Variants in MAF observed in about 807,000 individuals in gnomAD.
MAF encodes the protein MAF bZIP transcription factor.
A neutral mutation model predicts 22.0 loss-of-function variants in MAF; 10 were observed. The observed-to-expected ratio is 0.45, with a 90% CI of 0.28 to 0.77. The LOEUF (loss-of-function observed/expected upper bound fraction) is 0.77. Ranked by LOEUF, MAF falls within the 30% of genes least tolerant of loss-of-function variation. The pLI is 0.12. For missense variants in MAF, 544 were observed against 548.4 expected, an observed-to-expected ratio of 0.99 and a Z score of 0.08; for synonymous variants, 337 against 255.8, an observed-to-expected ratio of 1.32 and a Z score of -3.03.
the MAF span, among the ~76,000 whole-genome samples, chr16:79,429,641 C>T: frequency 7.2e-4 from 110 of 152,258 alleles, no homozygotes; most frequent in African/African-American, 2.4e-3. Context: ...CCTGGTTTCT[C>T]GGGCTCCTCT....
the MAF span, among the ~76,000 whole-genome samples, chr16:79,292,439 A>G: frequency 6.6e-6 from 1 of 152,234 alleles, no homozygotes; most frequent in Non-Finnish European, 1.5e-5. Flanking sequence ...CCAACACCTT[A>G]CTATTCAACT....
At chr16:79,521,079 A>C in the MAF span, among the ~76,000 whole-genome samples, 2 of 152,224 alleles carry the variant, frequency 1.3e-5, no homozygotes, top group Non-Finnish European at 2.9e-5. Flanking sequence ...TGGAGAATTC[A>C]ATAAAATAAT....
chr16:79,599,533 G>A lies in MAF; in HGVS notation c.370C>T (p.Leu124Phe). Residue 124 changes from leucine (L) to phenylalanine (F), a missense_variant, in exon 1 of 2, where the codon CTC becomes TTC. Leu to Phe is a conservative substitution (Grantham distance 22). Around this residue, in one of 5 missense-constraint regions of MAF, gnomAD observed 342 missense variants for 315.5 expected, o/e 1.08. Transcript: ENST00000326043. Reference sequence around the variant, plus strand: ...GCGTAGCCATCGAAGCCGCCCTGGAGCTGGTGGCTGTTGCTGATGAGCGCC... The same window carrying A: ...GCGTAGCCATCGAAGCCGCCCTGGAACTGGTGGCTGTTGCTGATGAGCGCC... ...VEALISNSHQ[L>F]QGGFDGYARG... is the part of the protein sequence containing the mutation. 6.4e-7 allele frequency: 1 copy of A among 1,558,610 alleles called. No individual in the cohort carries two copies.
the MAF span, among the ~76,000 whole-genome samples, chr16:79,446,851 G>T: frequency 1.3e-5 from 2 of 152,126 alleles, no homozygotes; most frequent in Non-Finnish European, 2.9e-5. Context: ...GAGGTTGAAA[G>T]GTTGCAGTGA....
At chr16:79,548,862 C>T in the MAF span, among the ~76,000 whole-genome samples, 1 of 152,142 alleles carries the variant, frequency 6.6e-6, no homozygotes, top group Non-Finnish European at 1.5e-5. Context: ...TAAGTCTTCT[C>T]TTCTTGCCTC....
the MAF span, chr16:79,211,542 G>C: frequency 1.2e-6 from 2 of 1,607,080 alleles, no homozygotes; most frequent in East Asian, 4.5e-5. Flanking sequence ...CCAGGCAGTC[G>C]AAATGACGCC....
chr16:79,379,722 G>A, the MAF span, among the ~76,000 whole-genome samples: 2 of 152,282 alleles, frequency 1.3e-5, no homozygotes, highest in South Asian at 2.1e-4. Flanking sequence ...TTTGAGGAGA[G>A]GGAGGGTGAT....
rs770676964 is a variant in MAF at position 79,599,938 on chromosome 16, G to T, written c.-36C>A. On this transcript the variant is annotated 5_prime_UTR_variant, in exon 1 of 2. Transcript: ENST00000326043. ...CCGCCGCCGCCGCCGCCGCCGCTCC[G>T]CCAGATGGGCTGCAGGAGAGGGGCC... The T allele has an allele frequency of 1.3e-6, 2 of 1,597,504 alleles. No individual in the cohort carries two copies. Among genetic ancestry groups the T allele is most frequent in the African/African-American group, 1.3e-5 (1 of 74,776 alleles).
At chr16:79,502,710 T>TAC in the MAF span, among the ~76,000 whole-genome samples, 1,260 of 16,414 alleles carry the variant, frequency 0.077, 76 homozygotes, top group Non-Finnish European at 0.11. Flanking sequence ...TAAATATAAA[T>TAC]ATATATATAT....
the MAF span, among the ~76,000 whole-genome samples, chr16:79,482,782 T>G: frequency 4.0e-5 from 6 of 151,790 alleles, no homozygotes; most frequent in East Asian, 9.7e-4. Context: ...GAGTGGGGAA[T>G]CTGGCAGCTT....
chr16:79,285,706 C>T, the MAF span, among the ~76,000 whole-genome samples: 29 of 152,306 alleles, frequency 1.9e-4, no homozygotes, highest in African/African-American at 6.3e-4. Context: ...GAGCTGGATT[C>T]CGCAAGGCCA....
the MAF span, among the ~76,000 whole-genome samples, chr16:79,536,875 A>C: frequency 6.6e-6 from 1 of 152,206 alleles, no homozygotes; most frequent in Admixed American, 6.5e-5. Flanking sequence ...ATTTTAAGTA[A>C]GAGACTTGAC....
At chr16:79,250,486 A>G in the MAF span, among the ~76,000 whole-genome samples, 56 of 152,284 alleles carry the variant, frequency 3.7e-4, no homozygotes, top group African/African-American at 1.3e-3. Flanking sequence ...AATAAACTCT[A>G]TGGTTGCTCT....
At chr16:79,515,813 A>T in the MAF span, among the ~76,000 whole-genome samples, 1 of 152,216 alleles carries the variant, frequency 6.6e-6, no homozygotes, top group Admixed American at 6.5e-5. Context: ...TGATGGAATC[A>T]CTACATTCTA....
the MAF span, among the ~76,000 whole-genome samples, chr16:79,393,703 G>A: frequency 3.3e-5 from 5 of 152,228 alleles, no homozygotes; most frequent in South Asian, 1.0e-3. Flanking sequence ...CTGGGACATC[G>A]ATGCTTGGCT....
At chr16:79,502,179 G>A in the MAF span, among the ~76,000 whole-genome samples, 2 of 152,106 alleles carry the variant, frequency 1.3e-5, no homozygotes, top group Admixed American at 6.6e-5. Flanking sequence ...AGGTACATAC[G>A]GTGGAAGGAG....
At chr16:79,245,844 T>G in the MAF span, among the ~76,000 whole-genome samples, 3 of 152,060 alleles carry the variant, frequency 2.0e-5, no homozygotes, top group Non-Finnish European at 4.4e-5. Context: ...AAAGAAAATG[T>G]GGCACATACA....
the MAF span, among the ~76,000 whole-genome samples, chr16:79,329,212 T>C: frequency 1.3e-5 from 2 of 152,082 alleles, no homozygotes; most frequent in Non-Finnish European, 2.9e-5. Context: ...GCTAGAAAAG[T>C]CAGAGCTCTC....
At chr16:79,409,468 C>CT in the MAF span, among the ~76,000 whole-genome samples, 3 of 152,232 alleles carry the variant, frequency 2.0e-5, no homozygotes, top group African/African-American at 7.2e-5. Context: ...CCCACTGGAG[C>CT]TGAGTTCAGC....
Sources: allele counts gnomAD v4.1 joint callset (sites outside exome capture counted in the v4.1 genomes callset), GRCh38; gene constraint gnomAD v4.1.1; regional missense constraint gnomAD v4.1.1; transcripts MANE v1.5; gene names NCBI Gene and HGNC (gene_info 2026-07-23, HGNC 2026-07-21).